SLC11A2: variants seen among roughly 807,000 people sequenced by gnomAD.
SLC11A2 encodes the protein solute carrier family 11 member 2, also known as natural resistance-associated macrophage protein 2.
SLC11A2 carries 38 observed loss-of-function variants against 68.0 expected under a neutral mutation model. That is an observed-to-expected ratio of 0.56 (90% CI 0.43 to 0.73). The LOEUF (loss-of-function observed/expected upper bound fraction) is 0.73. Ranked by LOEUF, SLC11A2 falls within the 30% of genes least tolerant of loss-of-function variation. The probability of loss-of-function intolerance (pLI) is 0.00; values close to 1 mark genes in which losing one functional copy is unlikely to be tolerated. For synonymous variants in SLC11A2, 242 were observed against 250.6 expected (o/e 0.97, Z 0.32); for missense variants, 517 against 690.5 (o/e 0.75, Z 2.82).
intron 5 of SLC11A2, among the ~76,000 whole-genome samples, chr12:51,004,009 T>A (rs924481240): frequency 2.6e-5 from 4 of 152,176 alleles, no homozygotes; most frequent in Non-Finnish European, 5.9e-5. Flanking sequence ...GTTTGTTTTT[T>A]AAAAATTTTA....
At chr12:51,013,784 G>A (rs1287370714) in intron 1 of SLC11A2, among the ~76,000 whole-genome samples, 1 of 151,974 alleles carries the variant, frequency 6.6e-6, no homozygotes, top group Admixed American at 6.6e-5. Context: ...CTACATCTGA[G>A]GAAGATTTTT....
At chr12:50,967,984 G>A in the SLC11A2 span, among the ~76,000 whole-genome samples, 3 of 152,126 alleles carry the variant, frequency 2.0e-5, no homozygotes, top group African/African-American at 4.8e-5. Flanking sequence ...CTACTCGGGA[G>A]GCTGAGATGA....
At position 50,988,075 on chromosome 12, in the gene SLC11A2, T is replaced by C. The variant is rs147543992; in HGVS notation, c.*250A>G. ...GCCCTTGGGCAACTACTTAAGAATT[T>C]AGTGTTGGAATGATAGCAGCAAATG... On this transcript the variant is annotated 3_prime_UTR_variant, in exon 16 of 16. Transcript: ENST00000262052. 17 of 1,433,944 alleles carry C rather than the reference T, an allele frequency of 1.2e-5. No homozygotes were observed. In the East Asian group the frequency reaches 4.4e-4, roughly 38 times the overall value. The allele number at this position is 1,433,944 out of a possible 1,614,324, so 88.8% of individuals were successfully genotyped here. A position where few individuals can be genotyped will look rare whatever the true frequency, so the allele number is the denominator to read the frequency against.
the SLC11A2 span, among the ~76,000 whole-genome samples, chr12:50,973,995 G>C: frequency 6.6e-6 from 1 of 152,164 alleles, no homozygotes; most frequent in African/African-American, 2.4e-5. Context: ...TATGTGAAAA[G>C]ACCAAATCTA....
intron 3 of SLC11A2, 144 bp downstream of exon 3, chr12:51,008,332 T>G (rs200892666): frequency 1.5e-6 from 1 of 652,270 alleles, no homozygotes. Context: ...TGTGTATATA[T>G]ATATATAGAT....
upstream of SLC11A2, among the ~76,000 whole-genome samples, chr12:51,026,804 G>A (rs1180992028): frequency 6.6e-6 from 1 of 152,102 alleles, no homozygotes; most frequent in Non-Finnish European, 1.5e-5. Context: ...ACCGAGGCGG[G>A]AGGATCACTT....
rs189866712 is a variant in SLC11A2, at chr12:51,001,114, G to A, written c.430-695C>T. ...CGGGAGGCGAAGGTTGCAGTGAGCT[G>A]AGATTGCGCCACTGCACTCCAGCCT... is the stretch of plus-strand genomic sequence containing the variant. On this transcript the variant is annotated intron_variant, in intron 5 of 15. Transcript: ENST00000262052. Among the ~76,000 whole-genome samples, 8 of 150,388 alleles carry A rather than the reference G, an allele frequency of 5.3e-5. No homozygotes were observed. In the East Asian group the frequency reaches 9.8e-4, roughly 18 times the overall value.
the SLC11A2 span, among the ~76,000 whole-genome samples, chr12:50,966,855 T>A: frequency 2.6e-5 from 4 of 152,156 alleles, no homozygotes; most frequent in Non-Finnish European, 4.4e-5. Flanking sequence ...TGTATTGTGA[T>A]GAGCCACTCA....
chr12:51,011,056 C>T (rs976411777), intron 1 of SLC11A2, among the ~76,000 whole-genome samples: 5 of 152,106 alleles, frequency 3.3e-5, no homozygotes, highest in African/African-American at 1.2e-4. Context: ...CACTGTGAAA[C>T]CCTTCACGGA....
At chr12:51,002,668 G>A (rs573090221) in intron 5 of SLC11A2, among the ~76,000 whole-genome samples, 15 of 144,170 alleles carry the variant, frequency 1.0e-4, no homozygotes, top group South Asian at 9.2e-4. Context: ...AGAGCCAGGC[G>A]CAGTAGCTCA....
rs746598216 is a variant in SLC11A2 at position 50,995,645 on chromosome 12, T to C, written c.974A>G (p.Lys325Arg). ...CTTACTCACCACCTGCTCGTTGGTT[T>C]TCCCAAAAAATGCTTCAGCAAAGAC... ...VSVFAEAFFG[K>R]TNEQVVEVCT... Residue 325 changes from lysine to arginine, a missense_variant, in exon 10 of 16, where the codon AAA (lysine) becomes AGA (arginine). Physicochemically the swap from Lys to Arg is conservative, Grantham distance 26. Coordinates refer to ENST00000262052, the MANE Select transcript of SLC11A2 (RefSeq NM_000617.3). The C allele has an allele frequency of 6.2e-7, 1 of 1,614,184 alleles. No individual in the cohort carries two copies. Among genetic ancestry groups the C allele is most frequent in the Non-Finnish European group, 8.5e-7 (1 of 1,180,026 alleles).
At chr12:51,003,946 TAAG>T (rs1942497881) in intron 5 of SLC11A2, among the ~76,000 whole-genome samples, 1 of 151,368 alleles carries the variant, frequency 6.6e-6, no homozygotes, top group Non-Finnish European at 1.5e-5. Context: ...TCTCAAAAAA[TAAG>T]AAGAAAGAAA....
chr12:50,954,074 T>C, the SLC11A2 span: 1 of 1,607,546 alleles, frequency 6.2e-7, no homozygotes, highest in Non-Finnish European at 8.5e-7. Flanking sequence ...ATCTAGAGAC[T>C]CCCCCTTTGT....
the SLC11A2 span, chr12:50,954,046 A>G: frequency 6.2e-7 from 1 of 1,613,522 alleles, no homozygotes; most frequent in Non-Finnish European, 8.5e-7. Flanking sequence ...AAGGCCAATT[A>G]TCCCGACTAA....
chr12:50,973,254 T>C, the SLC11A2 span, among the ~76,000 whole-genome samples: 142 of 152,136 alleles, frequency 9.3e-4, no homozygotes, highest in Non-Finnish European at 1.9e-3. Context: ...TAGGGGCAGA[T>C]TGACACCTCA....
At position 50,987,837 on chromosome 12, in the gene SLC11A2, GATAATTTGGT is replaced by G; in HGVS notation, c.*478_*487del. ...TCATATGGATGAAGCTATTCTAGTT[GATAATTTGGT>G]ATAATTAAAATAACTGAAAAGGTAG... On this transcript the variant is annotated 3_prime_UTR_variant, in exon 16 of 16. Transcript: ENST00000262052. The G allele has an allele frequency of 7.9e-7, 1 of 1,259,488 alleles. No individual in the cohort carries two copies. Among genetic ancestry groups the G allele is most frequent in the Non-Finnish European group, 1.0e-6 (1 of 977,154 alleles). The allele number at this position is 1,259,488 out of a possible 1,614,324, so 78.0% of individuals were successfully genotyped here.
At chr12:51,015,082 C>T (rs1165634275) in intron 1 of SLC11A2, among the ~76,000 whole-genome samples, 4 of 151,846 alleles carry the variant, frequency 2.6e-5, no homozygotes, top group African/African-American at 9.7e-5. Context: ...ATCGCTTGAA[C>T]CCGGGAGGTG....
At chr12:50,961,834 G>T in the SLC11A2 span, among the ~76,000 whole-genome samples, 1 of 152,264 alleles carries the variant, frequency 6.6e-6, no homozygotes, top group East Asian at 1.9e-4. Context: ...AGAATGATGG[G>T]CATGGGGCTT....
In SLC11A2 at chr12:50,987,956, TA is replaced by T. The variant is rs1940761079; in HGVS notation, c.*368del. ...CATACTCATTCTGTAGTTTGTATAA[TA>T]AAAAATGTATTGCATTTTCCAATTT... On this transcript the variant is annotated 3_prime_UTR_variant, in exon 16 of 16. Coordinates refer to ENST00000262052, the MANE Select transcript of SLC11A2 (RefSeq NM_000617.3). 5 of 1,287,782 alleles carry T rather than the reference TA, an allele frequency of 3.9e-6. No homozygotes were observed. The Admixed American group carries it at 9.2e-5, about 24-fold the overall frequency. 79.8% of individuals were successfully genotyped at this position (1,287,782 alleles called of 1,614,324 possible).
Sources: gnomAD v4.1 joint callset for allele counts (sites outside exome capture counted in the v4.1 genomes callset) on GRCh38, gnomAD v4.1.1 for gene constraint, MANE v1.5 for transcripts, NCBI Gene and HGNC (gene_info 2026-07-23, HGNC 2026-07-21) for gene names.